ADAM22: variants seen among roughly 807,000 people sequenced by gnomAD.
ADAM22 encodes disintegrin and metalloproteinase domain-containing protein 22.
ADAM22 carries 65 observed loss-of-function variants against 144.6 expected under a neutral mutation model. The ratio of observed to expected loss-of-function variants is 0.45; its 90% CI spans 0.37 to 0.55. The LOEUF (loss-of-function observed/expected upper bound fraction) is 0.55, where lower values mean the gene tolerates loss of function less well. Ranked by LOEUF, ADAM22 falls within the 20% of genes least tolerant of loss-of-function variation. ADAM22 has a pLI of 0.00. For missense variants in ADAM22, 974 were observed against 1,184.9 expected, an observed-to-expected ratio of 0.82 and a Z score of 2.61; for synonymous variants, 391 against 412.6, an observed-to-expected ratio of 0.95 and a Z score of 0.63.
chr7:88,030,342 C>A (rs1563063063), intron 3 of ADAM22, among the ~76,000 whole-genome samples: 1 of 151,958 alleles, frequency 6.6e-6, no homozygotes, highest in Non-Finnish European at 1.5e-5. Context: ...ATTTCAGTGT[C>A]TTTGTTAAAT....
intron 2 of ADAM22, among the ~76,000 whole-genome samples, chr7:87,974,615 C>T (rs1851452379): frequency 6.6e-6 from 1 of 152,154 alleles, no homozygotes; most frequent in Non-Finnish European, 1.5e-5. Context: ...CTCATTGGAG[C>T]TGCTTTTCAA....
At chr7:88,152,358 A>ATCTT (rs1213959247) in intron 20 of ADAM22, among the ~76,000 whole-genome samples, 1 of 152,146 alleles carries the variant, frequency 6.6e-6, no homozygotes, top group African/African-American at 2.4e-5. Flanking sequence ...AGAAAAGATA[A>ATCTT]AAGCCTGAAA....
At chr7:88,065,030 A>G (rs918798685) in intron 3 of ADAM22, among the ~76,000 whole-genome samples, 37 of 152,272 alleles carry the variant, frequency 2.4e-4, no homozygotes, top group Admixed American at 2.0e-3. Flanking sequence ...AAATTGAAAA[A>G]TAATTAAGAT....
chr7:88,155,395 C>T (rs1839648234), intron 21 of ADAM22, among the ~76,000 whole-genome samples: 1 of 151,652 alleles, frequency 6.6e-6, no homozygotes, highest in Admixed American at 6.6e-5. Flanking sequence ...TGGTAGCATA[C>T]ACCTGTAGTC....
chr7:88,159,982 C>T lies in ADAM22; in HGVS notation c.1908-3030C>T, dbSNP rs149585085. Among the ~76,000 whole-genome samples, 591 of 152,196 alleles carry T rather than the reference C, an allele frequency of 3.9e-3. 7 individuals are homozygous for T. The highest frequency in any genetic ancestry group is 0.013 in the African/African-American group (551 of 41,546). ...TCAAACTATTGCTCTTTGCTGATGA[C>T]GTGATTCTATATCTAGAAAACCCCA... is the stretch of plus-strand genomic sequence containing the variant. On this transcript the variant is annotated intron_variant, in intron 22 of 31. Transcript: ENST00000413139.
rs149179811 is a variant in ADAM22, at chr7:88,194,854, C to T, written c.2874+1615C>T. 7.0e-4 allele frequency among the ~76,000 whole-genome samples: 107 copies of T among 152,222 alleles called. 1 individual carries two copies. The highest frequency in any genetic ancestry group is 2.4e-3 in the African/African-American group (100 of 41,514). ...CTCCACCACCAGTGTCACCCATTCA[C>T]GAAGATCCTCACAGTTCAGATATTC... is the stretch of plus-strand genomic sequence containing the variant. On this transcript the variant is annotated intron_variant, in intron 31 of 31. Transcript: ENST00000413139.
At chr7:88,093,608 G>A (rs999310546) in intron 4 of ADAM22, among the ~76,000 whole-genome samples, 4 of 151,992 alleles carry the variant, frequency 2.6e-5, no homozygotes, top group East Asian at 1.9e-4. Flanking sequence ...GTGCAGTGGC[G>A]CAGTCTTGGC....
intron 3 of ADAM22, among the ~76,000 whole-genome samples, chr7:88,046,163 A>G: frequency 6.6e-6 from 1 of 152,094 alleles, no homozygotes; most frequent in East Asian, 1.9e-4. Context: ...TAATGGCTGT[A>G]CTAATTTATA....
At chr7:88,127,861 A>G (rs774157918) in intron 8 of ADAM22, among the ~76,000 whole-genome samples, 13 of 152,066 alleles carry the variant, frequency 8.5e-5, no homozygotes, top group Non-Finnish European at 1.5e-4. Context: ...TAGAGAACAA[A>G]GAGAATAGCT....
chr7:88,138,026 C>T (rs1188309462), intron 14 of ADAM22, among the ~76,000 whole-genome samples: 1 of 152,046 alleles, frequency 6.6e-6, no homozygotes, highest in Non-Finnish European at 1.5e-5. Context: ...TGGTGGCACA[C>T]ACCTGTAGTC....
At chr7:88,187,522 C>T (rs558148764) in intron 30 of ADAM22, among the ~76,000 whole-genome samples, 3 of 152,250 alleles carry the variant, frequency 2.0e-5, no homozygotes, top group South Asian at 2.1e-4. Context: ...TCCAAGAGTT[C>T]GTAATGGCAT....
intron 9 of ADAM22, among the ~76,000 whole-genome samples, chr7:88,130,078 AT>A (rs1290493079): frequency 6.6e-6 from 1 of 151,978 alleles, no homozygotes; most frequent in Non-Finnish European, 1.5e-5. Flanking sequence ...ATGTTTTATC[AT>A]TTTGAATAAC....
At chr7:87,985,998 T>G (rs1788393000) in intron 3 of ADAM22, among the ~76,000 whole-genome samples, 1 of 152,092 alleles carries the variant, frequency 6.6e-6, no homozygotes, top group Admixed American at 6.6e-5. Context: ...AGGCTTCAGG[T>G]TTTCAGTTTC....
At chr7:88,097,630 A>G (rs1228881296) in intron 4 of ADAM22, among the ~76,000 whole-genome samples, 3 of 151,658 alleles carry the variant, frequency 2.0e-5, no homozygotes, top group Non-Finnish European at 2.9e-5. Flanking sequence ...TAAAAAAAAA[A>G]AAAAAGAAAA....
intron 3 of ADAM22, among the ~76,000 whole-genome samples, chr7:88,038,592 C>A (rs900333735): frequency 2.0e-5 from 3 of 151,514 alleles, no homozygotes; most frequent in Admixed American, 1.3e-4. Flanking sequence ...GTAGCTGGGA[C>A]TACAGGCGCG....
intron 3 of ADAM22, among the ~76,000 whole-genome samples, chr7:88,008,128 A>G (rs1404082456): frequency 6.6e-6 from 1 of 152,084 alleles, no homozygotes; most frequent in African/African-American, 2.4e-5. Flanking sequence ...ACATTTATGC[A>G]GCCAAAAAAC....
intron 20 of ADAM22, among the ~76,000 whole-genome samples, chr7:88,152,938 A>G (rs748587512): frequency 2.0e-5 from 3 of 152,038 alleles, no homozygotes; most frequent in Non-Finnish European, 4.4e-5. Context: ...ATTATTGGCC[A>G]AATTCTAAGG....
intron 4 of ADAM22, among the ~76,000 whole-genome samples, chr7:88,077,379 T>A (rs115336192): frequency 2.6e-5 from 4 of 152,160 alleles, no homozygotes; most frequent in African/African-American, 9.7e-5. Context: ...CCAAGATGGC[T>A]GAATAGAACA....
chr7:87,961,271 C>A (rs1847941695), intron 2 of ADAM22, among the ~76,000 whole-genome samples: 1 of 152,026 alleles, frequency 6.6e-6, no homozygotes, highest in South Asian at 2.1e-4. Flanking sequence ...GTATATCGGT[C>A]AAATATGAAT....
Sources: allele counts gnomAD v4.1 joint callset (sites outside exome capture counted in the v4.1 genomes callset), GRCh38; gene constraint gnomAD v4.1.1; transcripts MANE v1.5; gene names NCBI Gene and HGNC (gene_info 2026-07-23, HGNC 2026-07-21).